The following GALNTL6 variants were observed in gnomAD, a reference collection of about 807,000 sequenced individuals.
The protein encoded by GALNTL6 is polypeptide N-acetylgalactosaminyltransferase-like 6.
GALNTL6 carries 46 observed loss-of-function variants against 73.7 expected under a neutral mutation model. The observed-to-expected ratio is 0.62, with a 90% confidence interval of 0.49 to 0.80. GALNTL6 has a LOEUF of 0.80. GALNTL6 is among the 30% of genes least tolerant of loss of function. The pLI, the probability that GALNTL6 is intolerant of heterozygous loss-of-function variation, is 0.00. For missense variants in GALNTL6, 604 were observed against 755.0 expected (o/e 0.80, Z 2.34); for synonymous variants, 259 against 263.7 (o/e 0.98, Z 0.17).
intron 8 of GALNTL6, among the ~76,000 whole-genome samples, chr4:172,914,156 T>C (rs1329080721): frequency 1.3e-5 from 2 of 152,102 alleles, no homozygotes; most frequent in Non-Finnish European, 2.9e-5. Context: ...CTAGGCTTCA[T>C]AAGTGAAGGA....
chr4:172,908,706 G>GA (rs1298075877), intron 8 of GALNTL6, among the ~76,000 whole-genome samples: 1 of 147,950 alleles, frequency 6.8e-6, no homozygotes, highest in Non-Finnish European at 1.5e-5. Context: ...AGGATGAAAA[G>GA]AAAAAAACAA....
At chr4:172,656,410 C>T (rs975759481) in intron 5 of GALNTL6, among the ~76,000 whole-genome samples, 2 of 152,100 alleles carry the variant, frequency 1.3e-5, no homozygotes, top group African/African-American at 4.8e-5. Context: ...AAAGTTGAAC[C>T]GGATTGGTCT....
chr4:172,065,954 C>T (rs1163801920), intron 2 of GALNTL6, among the ~76,000 whole-genome samples: 1 of 152,176 alleles, frequency 6.6e-6, no homozygotes, highest in Admixed American at 6.5e-5. Flanking sequence ...CCTGGTCCCA[C>T]CCTTGACATG....
rs112616816 is a variant in GALNTL6, at chr4:172,224,751, C to T, written c.139-4905C>T. Among the ~76,000 whole-genome samples the T allele has an allele frequency of 1.5e-3, 227 of 152,186 alleles. 1 individual carries two copies. Among genetic ancestry groups the T allele is most frequent in the African/African-American group, 5.0e-3 (209 of 41,526 alleles). On this transcript the variant is annotated intron_variant, in intron 2 of 12. Coordinates refer to ENST00000506823, the MANE Select transcript of GALNTL6 (RefSeq NM_001034845.3). Reference sequence around the variant, plus strand: ...AAGACTGTGTATCACATTTCTGTCCCCAAAAGGTGCTTGTGTCACATCCCT... The same window carrying T: ...AAGACTGTGTATCACATTTCTGTCCTCAAAAGGTGCTTGTGTCACATCCCT...
intron 10 of GALNTL6, among the ~76,000 whole-genome samples, chr4:172,987,974 C>T (rs1261271499): frequency 6.6e-6 from 1 of 152,136 alleles, no homozygotes; most frequent in Non-Finnish European, 1.5e-5. Flanking sequence ...TTATTTAAAG[C>T]AGTGAAAGAA....
intron 3 of GALNTL6, among the ~76,000 whole-genome samples, chr4:172,285,602 T>C (rs1739217612): frequency 6.6e-6 from 1 of 152,220 alleles, no homozygotes; most frequent in African/African-American, 2.4e-5. Flanking sequence ...GACTTCCTGC[T>C]TTGCTAAATG....
At chr4:172,169,950 C>T (rs1272335035) in intron 2 of GALNTL6, among the ~76,000 whole-genome samples, 3 of 152,152 alleles carry the variant, frequency 2.0e-5, no homozygotes, top group African/African-American at 7.2e-5. Context: ...ATTCTATTGT[C>T]TTCATTTGAC....
At position 173,022,189 on chromosome 4, in the gene GALNTL6, G is replaced by GAGGGAGGA. The variant is rs1554012075; in HGVS notation, c.1638+567_1638+568insGAGGAAGG. On this transcript the variant is annotated intron_variant, in intron 12 of 12. Transcript: ENST00000506823. ...GCAGGAAGGGAGAGAGGGAGGGAGG[G>GAGGGAGGA]AGGAAGGAAGGAAGGAAGGAAGGAA... Among the ~76,000 whole-genome samples the GAGGGAGGA allele has an allele frequency of 2.4e-4, 32 of 134,366 alleles. No individual in the cohort carries two copies. The East Asian group carries it at 4.0e-3, about 17-fold the overall frequency. The allele number at this position is 134,366 out of a possible 152,430, so 88.1% of individuals were successfully genotyped here.
intron 5 of GALNTL6, among the ~76,000 whole-genome samples, chr4:172,650,183 G>T (rs982019821): frequency 6.6e-6 from 1 of 152,144 alleles, no homozygotes; most frequent in Non-Finnish European, 1.5e-5. Flanking sequence ...ATTGAGGATC[G>T]CAGTGTCAGG....
chr4:172,040,328 G>A (rs1473038354), intron 2 of GALNTL6, among the ~76,000 whole-genome samples: 1 of 151,900 alleles, frequency 6.6e-6, no homozygotes. Flanking sequence ...ATTTCTGTTT[G>A]TTCTTATTTT....
chr4:172,903,772 A>T (rs1464436524), intron 8 of GALNTL6, among the ~76,000 whole-genome samples: 1 of 152,152 alleles, frequency 6.6e-6, no homozygotes, highest in East Asian at 1.9e-4. Context: ...CAGTAATAGA[A>T]TCCTTTCGGG....
chr4:173,034,836 C>T (rs1753618439), intron 12 of GALNTL6, among the ~76,000 whole-genome samples: 1 of 152,150 alleles, frequency 6.6e-6, no homozygotes, highest in South Asian at 2.1e-4. Flanking sequence ...ACTGCCCCAA[C>T]CTCACCCCTA....
At chr4:172,792,575 G>A (rs903319735) in intron 5 of GALNTL6, among the ~76,000 whole-genome samples, 5 of 151,592 alleles carry the variant, frequency 3.3e-5, no homozygotes, top group African/African-American at 1.2e-4. Context: ...AAATATTATA[G>A]TCACTAAAGG....
intron 2 of GALNTL6, among the ~76,000 whole-genome samples, chr4:172,227,231 T>G (rs1339557862): frequency 6.6e-6 from 1 of 152,170 alleles, no homozygotes; most frequent in Non-Finnish European, 1.5e-5. Flanking sequence ...CAGGTAGGAA[T>G]TCCTCCATCT....
At chr4:172,201,435 G>A (rs1460815758) in intron 2 of GALNTL6, among the ~76,000 whole-genome samples, 2 of 151,664 alleles carry the variant, frequency 1.3e-5, no homozygotes, top group African/African-American at 4.8e-5. Context: ...TTGATCTCCT[G>A]ACCTCATGAT....
intron 2 of GALNTL6, among the ~76,000 whole-genome samples, chr4:172,072,139 C>G (rs939925945): frequency 3.3e-5 from 5 of 152,146 alleles, no homozygotes; most frequent in Admixed American, 3.3e-4. Context: ...CCCTACTCCC[C>G]ACTTCACATG....
At chr4:171,987,893 A>T (rs897159324) in intron 2 of GALNTL6, among the ~76,000 whole-genome samples, 2 of 152,196 alleles carry the variant, frequency 1.3e-5, no homozygotes, top group African/African-American at 4.8e-5. Context: ...GTGTGGTATC[A>T]GGAATAATGT....
At chr4:171,923,628 G>C (rs531193626) in intron 2 of GALNTL6, among the ~76,000 whole-genome samples, 3 of 149,108 alleles carry the variant, frequency 2.0e-5, no homozygotes, top group Non-Finnish European at 3.0e-5. Context: ...GGATGGTCTC[G>C]ATCTCCTGAC....
intron 10 of GALNTL6, among the ~76,000 whole-genome samples, chr4:173,008,457 G>A (rs568434807): frequency 1.3e-5 from 2 of 152,316 alleles, no homozygotes; most frequent in African/African-American, 4.8e-5. Context: ...TTAGCATGTC[G>A]AGTAGACCAT....
Sources: gnomAD v4.1 joint callset for allele counts (sites outside exome capture counted in the v4.1 genomes callset) on GRCh38, gnomAD v4.1.1 for gene constraint, MANE v1.5 for transcripts, NCBI Gene and HGNC (gene_info 2026-07-23, HGNC 2026-07-21) for gene names.